The following CFAP73 variants were observed in gnomAD, a reference collection of about 807,000 sequenced individuals.
CFAP73 encodes cilia- and flagella-associated protein 73.
A neutral mutation model predicts 42.9 loss-of-function variants in CFAP73; 33 were observed. The observed-to-expected ratio is 0.77, with a 90% CI of 0.58 to 1.03. The LOEUF is 1.03. Ranked by LOEUF, CFAP73 falls within the 50% of genes least tolerant of loss-of-function variation. CFAP73 has a pLI of 0.00. For synonymous variants in CFAP73, 162 were observed against 186.8 expected (o/e 0.87, Z 1.08); for missense variants, 392 against 411.9 (o/e 0.95, Z 0.42).
At chr12:113,150,857 C>A (rs1403017343) in intron 1 of CFAP73, among the ~76,000 whole-genome samples, 1 of 152,164 alleles carries the variant, frequency 6.6e-6, no homozygotes, top group Non-Finnish European at 1.5e-5. Flanking sequence ...TCTGCAGCCA[C>A]CCTAGCCACA....
chr12:113,157,979 G>GA (rs1041075692), intron 7 of CFAP73: 68 of 439,866 alleles, frequency 1.5e-4, no homozygotes, highest in East Asian at 3.0e-4. Context: ...GTTGGGGCAT[G>GA]AAAAAAAACT....
chr12:113,159,162 C>A lies in CFAP73; in HGVS notation c.*473C>A. On this transcript the variant is annotated 3_prime_UTR_variant, in exon 8 of 8. Transcript: ENST00000335621. ...AGCTGTTGGGATCACTCCCAAGATC[C>A]CCTCCTCCCAGAAGCTTGCAGACTC... is the stretch of plus-strand genomic sequence containing the variant. 6.6e-7 allele frequency: 1 copy of A among 1,519,816 alleles called. No homozygotes were observed. Among genetic ancestry groups the A allele is most frequent in the Non-Finnish European group, 8.8e-7 (1 of 1,131,866 alleles). 94.1% of individuals were successfully genotyped at this position (1,519,816 alleles called of 1,614,324 possible).
At chr12:113,155,001 C>G (rs1375401024) in intron 5 of CFAP73, among the ~76,000 whole-genome samples, 1 of 152,162 alleles carries the variant, frequency 6.6e-6, no homozygotes, top group African/African-American at 2.4e-5. Context: ...GAAACCCTGT[C>G]TCTACTAAAA....
chr12:113,154,326 A>T lies in CFAP73; in HGVS notation c.469-88A>T. The T allele has an allele frequency of 7.1e-7, 1 of 1,417,238 alleles. No individual in the cohort carries two copies. The highest frequency in any genetic ancestry group is 2.1e-5 in the Admixed American group (1 of 47,982). 87.8% of individuals were successfully genotyped at this position (1,417,238 alleles called of 1,614,324 possible). A position where few individuals can be genotyped will look rare whatever the true frequency, so the allele number is the denominator to read the frequency against. On this transcript the variant is annotated intron_variant, in intron 4 of 7. Coordinates refer to ENST00000335621, the MANE Select transcript of CFAP73 (RefSeq NM_001144872.3). This position sits in a 1 kb window ranked among gnomAD's most constrained non-coding sequence, Gnocchi z 4.7. Reference sequence around the variant, plus strand: ...AGTCACTTTCCAGAAAGATTATTCCAATAATAAGGAACGCTGGCGGCCAGG... The same window carrying T: ...AGTCACTTTCCAGAAAGATTATTCCTATAATAAGGAACGCTGGCGGCCAGG...
intron 1 of CFAP73, 133 bp downstream of exon 1, chr12:113,150,046 G>A: frequency 3.6e-6 from 3 of 826,420 alleles, no homozygotes; most frequent in Non-Finnish European, 5.9e-6. Flanking sequence ...CCACTTCACA[G>A]AGGAGGAAAC....
Position 113,155,161 on chromosome 12 carries a change from C to T in CFAP73, c.691-99C>T, listed in dbSNP as rs928144651. 5 of 1,094,046 alleles carry T rather than the reference C, an allele frequency of 4.6e-6. No individual in the cohort carries two copies. The African/African-American group carries it at 8.0e-5, about 18-fold the overall frequency. The allele number at this position is 1,094,046 out of a possible 1,614,324, so 67.8% of individuals were successfully genotyped here. ...CTCCAGCCTGGGCGACAAAGCTAGACTCCATCTCAAAAAGAAAAAAAAAAA... is the reference window on the plus strand; with the variant it reads ...CTCCAGCCTGGGCGACAAAGCTAGATTCCATCTCAAAAAGAAAAAAAAAAA... On this transcript the variant is annotated intron_variant, in intron 5 of 7. Coordinates refer to ENST00000335621, the MANE Select transcript of CFAP73 (RefSeq NM_001144872.3).
rs1952046137 is a variant in CFAP73, at chr12:113,149,787, A to ACCC, written c.-68_-66dup. On this transcript the variant is annotated 5_prime_UTR_variant, in exon 1 of 8. Transcript: ENST00000335621. The stretch of plus-strand genomic sequence containing the variant: ...AGGCTTCCACACCACGCTCCACAGA[A>ACCC]CCCCCAGGGTCTCCTAAGCTTGTGC... The ACCC allele has an allele frequency of 1.3e-6, 2 of 1,485,570 alleles. No individual in the cohort carries two copies. The highest frequency in any genetic ancestry group is 2.4e-5 in the South Asian group (2 of 82,222). 92.0% of individuals were successfully genotyped at this position (1,485,570 alleles called of 1,614,324 possible). A position where few individuals can be genotyped will look rare whatever the true frequency, so the allele number is the denominator to read the frequency against.
At position 113,154,048 on chromosome 12, in the gene CFAP73, G is replaced by A. The variant is rs1459382675; in HGVS notation, c.469-366G>A. Among the ~76,000 whole-genome samples the A allele has an allele frequency of 1.3e-5, 2 of 152,112 alleles. No individual in the cohort carries two copies. Among genetic ancestry groups the A allele is most frequent in the Non-Finnish European group, 2.9e-5 (2 of 68,030 alleles). On this transcript the variant is annotated intron_variant, in intron 4 of 7. Coordinates refer to ENST00000335621, the MANE Select transcript of CFAP73 (RefSeq NM_001144872.3). This position sits in a 1 kb window ranked among gnomAD's most constrained non-coding sequence, Gnocchi z 4.7. ...CGCCTGTAATCCCAACACTTTGGGG[G>A]GCCAAGGCGGGAGGATTGCTTGAAG...
chr12:113,152,897 G>A lies in CFAP73; in HGVS notation c.267+10G>A. ...TGACAAGTTTTTGCAGGTAGGTGGA[G>A]CCTCCTGGGGGGGAGGCGGGGCCTA... is the stretch of plus-strand genomic sequence containing the variant. On this transcript the variant is annotated intron_variant, in intron 3 of 7. Transcript: ENST00000335621. 6.5e-7 allele frequency: 1 copy of A among 1,536,408 alleles called. No homozygotes were observed. Among genetic ancestry groups the A allele is most frequent in the Non-Finnish European group, 8.8e-7 (1 of 1,133,098 alleles).
chr12:113,157,465 A>C, intron 6 of CFAP73, 137 bp from the exon 7 acceptor site: 1 of 703,582 alleles, frequency 1.4e-6, no homozygotes, highest in Non-Finnish European at 2.4e-6. Context: ...ACCTCTGGGA[A>C]CCACCATCAT....
intron 1 of CFAP73, among the ~76,000 whole-genome samples, chr12:113,151,184 A>G (rs1952058434): frequency 6.6e-6 from 1 of 152,152 alleles, no homozygotes; most frequent in African/African-American, 2.4e-5. Context: ...CAATTTGTTC[A>G]ATGAATAAAG....
chr12:113,154,474 C>T lies in CFAP73; in HGVS notation c.529C>T (p.Leu177=). 3 of 1,545,378 alleles carry T rather than the reference C, an allele frequency of 1.9e-6. No individual in the cohort carries two copies. The highest frequency in any genetic ancestry group is 2.6e-6 in the Non-Finnish European group (3 of 1,145,438). ...FDGLAETQAA[L]RLREREQLAE... ...CGGCCTGGCCGAGACGCAGGCGGCG[C>T]TGAGGCTCAGGGAGCGCGAGCAGCT... Residue 177 remains leucine (L), a synonymous_variant, in exon 5 of 8, where the codon CTG becomes TTG. Transcript: ENST00000335621. The surrounding 1 kb of genome is among the most constrained non-coding windows in gnomAD (Gnocchi z 4.7).
rs377463846 is a variant in CFAP73 at position 113,152,789 on chromosome 12, C to G, written c.169C>G (p.Arg57Gly). The change falls in exon 3 of 8, where the codon CGC (arginine) becomes GGC (glycine). Residue 57 changes from arginine to glycine, a missense_variant. Physicochemically the swap from Arg to Gly is moderately radical, Grantham distance 125. Transcript: ENST00000335621. ...QALQAQKEVF[R>G]TKTAALKQRW... is the part of the protein sequence containing the mutation. Reference sequence around the variant, plus strand: ...ACCCACTCCTCACCCCCAGGTGTTCCGCACCAAGACGGCAGCCCTGAAACA... The same window carrying G: ...ACCCACTCCTCACCCCCAGGTGTTCGGCACCAAGACGGCAGCCCTGAAACA... 4 of 1,551,412 alleles carry G rather than the reference C, an allele frequency of 2.6e-6. No homozygotes were observed. The highest frequency in any genetic ancestry group is 2.4e-5 in the South Asian group (2 of 84,048).
chr12:113,152,640 T>C, intron 2 of CFAP73, 143 bp from the exon 3 acceptor site: 2 of 627,050 alleles, frequency 3.2e-6, no homozygotes, highest in Non-Finnish European at 5.7e-6. Context: ...GCTTCATCCC[T>C]GGGTGATGGG....
intron 6 of CFAP73, among the ~76,000 whole-genome samples, chr12:113,155,695 C>G (rs1301348544): frequency 1.3e-5 from 2 of 152,098 alleles, no homozygotes; most frequent in Non-Finnish European, 2.9e-5. Flanking sequence ...AGTGGCTGGT[C>G]TCAATGCCCT....
chr12:113,152,092 G>A, intron 2 of CFAP73, 69 bp downstream of exon 2: 1 of 1,128,654 alleles, frequency 8.9e-7, no homozygotes, highest in Non-Finnish European at 1.3e-6. Context: ...ATTTATTAGT[G>A]ACAAGGTCTG....
chr12:113,157,504 G>A (rs1566090000), intron 6 of CFAP73, 98 bp from the exon 7 acceptor site: 2 of 919,924 alleles, frequency 2.2e-6, no homozygotes, highest in Admixed American at 4.1e-5. Context: ...GGGATCTCCA[G>A]TCCCCGCCCT....
chr12:113,158,789 C>T lies in CFAP73; in HGVS notation c.*100C>T. The T allele has an allele frequency of 7.0e-7, 1 of 1,419,914 alleles. No individual in the cohort carries two copies. Among genetic ancestry groups the T allele is most frequent in the East Asian group, 2.4e-5 (1 of 41,804 alleles). 88.0% of individuals were successfully genotyped at this position (1,419,914 alleles called of 1,614,324 possible). A position where few individuals can be genotyped will look rare whatever the true frequency, so the allele number is the denominator to read the frequency against. ...CAGGGAGTGCCCCCAGTGCCCAGCA[C>T]AGGGCCAGGCACACAGTGGTGCACG... On this transcript the variant is annotated 3_prime_UTR_variant, in exon 8 of 8. Transcript: ENST00000335621. This position sits in a 1 kb window ranked among gnomAD's most constrained non-coding sequence, Gnocchi z 4.9.
intron 6 of CFAP73, 40 bp downstream of exon 6, chr12:113,155,458 C>A: frequency 6.6e-7 from 1 of 1,508,392 alleles, no homozygotes; most frequent in Non-Finnish European, 8.9e-7. Flanking sequence ...CCCCCAAACA[C>A]TCCCTCTTTG....
Sources: gnomAD v4.1 joint callset for allele counts (sites outside exome capture counted in the v4.1 genomes callset) on GRCh38, gnomAD v4.1.1 for gene constraint, Gnocchi (gnomAD v3.1) non-coding constraint, MANE v1.5 for transcripts, NCBI Gene and HGNC (gene_info 2026-07-23, HGNC 2026-07-21) for gene names.